Variants in SAMD5 observed in about 807,000 individuals in gnomAD.
The protein encoded by SAMD5 is sterile alpha motif domain containing 5.
In SAMD5, 13 loss-of-function variants were observed where a neutral mutation model predicts 11.3. The ratio of observed to expected loss-of-function variants is 1.15; its 90% CI spans 0.75 to 1.83. The LOEUF (loss-of-function observed/expected upper bound fraction) is 1.83. Ranked by LOEUF, SAMD5 falls within the 40% of genes most tolerant of loss-of-function variation. The pLI, the probability that SAMD5 is intolerant of heterozygous loss-of-function variation, is 0.00. For synonymous variants in SAMD5, 129 were observed against 111.3 expected (o/e 1.16, Z -1.00); for missense variants, 255 against 239.1 (o/e 1.07, Z -0.44).
chr6:147,713,986 T>C (rs1237670238), intron 1 of SAMD5, among the ~76,000 whole-genome samples: 1 of 152,216 alleles, frequency 6.6e-6, no homozygotes, highest in Admixed American at 6.5e-5. Context: ...TCTGTATTTT[T>C]ACTTCTGTGC....
At chr6:147,704,833 G>GA (rs1562356150) in intron 1 of SAMD5, among the ~76,000 whole-genome samples, 1 of 152,206 alleles carries the variant, frequency 6.6e-6, no homozygotes, top group Non-Finnish European at 1.5e-5. Context: ...CCTCCTTGGG[G>GA]ATTAGCTGAG....
At chr6:147,555,022 T>C (rs1477817285) in intron 1 of SAMD5, among the ~76,000 whole-genome samples, 1 of 152,224 alleles carries the variant, frequency 6.6e-6, no homozygotes, top group African/African-American at 2.4e-5. Flanking sequence ...AACGTCGACC[T>C]GTGTTAGTAC....
chr6:147,880,084 T>G, the SAMD5 span, among the ~76,000 whole-genome samples: 16 of 152,248 alleles, frequency 1.1e-4, no homozygotes, highest in Non-Finnish European at 2.1e-4. Context: ...ATATGTCATT[T>G]TATTTAATCT....
chr6:147,763,932 C>G, the SAMD5 span, among the ~76,000 whole-genome samples: 9 of 151,624 alleles, frequency 5.9e-5, no homozygotes, highest in East Asian at 7.7e-4. Flanking sequence ...AGATTTGCAC[C>G]TGAAATGACT....
the SAMD5 span, among the ~76,000 whole-genome samples, chr6:147,947,153 G>A: frequency 2.0e-5 from 3 of 152,144 alleles, no homozygotes; most frequent in South Asian, 6.2e-4. Context: ...AAACAAGAGT[G>A]TGTTTTTATT....
At chr6:147,621,294 A>G (rs1194461157) in intron 1 of SAMD5, among the ~76,000 whole-genome samples, 1 of 152,232 alleles carries the variant, frequency 6.6e-6, no homozygotes, top group African/African-American at 2.4e-5. Context: ...CAGTGAGATC[A>G]TGAGGTTGGA....
chr6:147,585,089 C>T (rs1035721776), intron 1 of SAMD5, among the ~76,000 whole-genome samples: 12 of 152,144 alleles, frequency 7.9e-5, no homozygotes, highest in Non-Finnish European at 1.0e-4. Context: ...CAATGTCTCA[C>T]CCACTTCCAT....
chr6:147,869,114 CCT>C, the SAMD5 span, among the ~76,000 whole-genome samples: 1 of 152,120 alleles, frequency 6.6e-6, no homozygotes, highest in African/African-American at 2.4e-5. Flanking sequence ...CCTAGAAATT[CCT>C]CTGAGAAAGA....
chr6:147,828,868 G>A, the SAMD5 span, among the ~76,000 whole-genome samples: 1 of 152,114 alleles, frequency 6.6e-6, no homozygotes, highest in African/African-American at 2.4e-5. Flanking sequence ...TAAAGCCCAG[G>A]GAAGCTGAAG....
At chr6:147,536,074 C>T (rs1178984185) in intron 1 of SAMD5, among the ~76,000 whole-genome samples, 1 of 152,006 alleles carries the variant, frequency 6.6e-6, no homozygotes, top group Non-Finnish European at 1.5e-5. Context: ...AGCTCCACCT[C>T]CCGGGTTCAC....
chr6:147,748,746 A>G, the SAMD5 span, among the ~76,000 whole-genome samples: 1 of 152,218 alleles, frequency 6.6e-6, no homozygotes, highest in Non-Finnish European at 1.5e-5. Flanking sequence ...CAGGAAATGA[A>G]GTCCATTGCA....
rs6917237 is a variant in SAMD5, at chr6:147,551,158, G to A, written c.460-13236G>A. On this transcript the variant is annotated intron_variant, in intron 1 of 1. Transcript: ENST00000367474. ...GGCACAGTTCAGTTGTTAGGTGCCA[G>A]GAGAAATACTGTTTCATTTAGGAAT... Among the ~76,000 whole-genome samples, 506 of 152,332 alleles carry A rather than the reference G, an allele frequency of 3.3e-3. 2 individuals carry two copies. The highest frequency in any genetic ancestry group is 0.011 in the African/African-American group (470 of 41,578).
chr6:147,511,706 C>T (rs1216365717), intron 1 of SAMD5, among the ~76,000 whole-genome samples: 1 of 151,230 alleles, frequency 6.6e-6, no homozygotes, highest in African/African-American at 2.4e-5. Flanking sequence ...TTAATGTACA[C>T]ATATAATTAA....
chr6:147,591,787 A>G (rs960893841), intron 1 of SAMD5, among the ~76,000 whole-genome samples: 12 of 152,120 alleles, frequency 7.9e-5, no homozygotes, highest in African/African-American at 2.9e-4. Context: ...TGTGACAAGC[A>G]TATAGCATCT....
intron 1 of SAMD5, among the ~76,000 whole-genome samples, chr6:147,592,463 C>T (rs1789470730): frequency 6.6e-6 from 1 of 152,004 alleles, no homozygotes; most frequent in Non-Finnish European, 1.5e-5. Flanking sequence ...GGAAGAGGGG[C>T]ATCTTGGTTA....
chr6:147,945,717 C>T, the SAMD5 span, among the ~76,000 whole-genome samples: 2 of 152,072 alleles, frequency 1.3e-5, no homozygotes, highest in African/African-American at 4.8e-5. Context: ...GAACGTTAGC[C>T]CCACCTTCCT....
chr6:147,655,673 C>T (rs1278855614), intron 1 of SAMD5, among the ~76,000 whole-genome samples: 1 of 152,026 alleles, frequency 6.6e-6, no homozygotes, highest in Non-Finnish European at 1.5e-5. Context: ...CTAGAATTTC[C>T]ACGTTAAGTA....
At chr6:147,531,759 T>C (rs887410229) in intron 1 of SAMD5, among the ~76,000 whole-genome samples, 43 of 152,342 alleles carry the variant, frequency 2.8e-4, no homozygotes, top group African/African-American at 1.0e-3. Context: ...ATAGAGTTTA[T>C]TTATTTTGTA....
At chr6:147,645,926 T>C (rs1288047964) in intron 1 of SAMD5, among the ~76,000 whole-genome samples, 3 of 152,144 alleles carry the variant, frequency 2.0e-5, no homozygotes, top group African/African-American at 7.2e-5. Context: ...TGTGATAGAC[T>C]AGGATCATTA....
Sources: gnomAD v4.1 joint callset for allele counts (sites outside exome capture counted in the v4.1 genomes callset) on GRCh38, gnomAD v4.1.1 for gene constraint, MANE v1.5 for transcripts, NCBI Gene and HGNC (gene_info 2026-07-23, HGNC 2026-07-21) for gene names.